MAF: variants seen among roughly 807,000 people sequenced by gnomAD.
The protein encoded by MAF is transcription factor Maf.
A neutral mutation model predicts 22.0 loss-of-function variants in MAF; 10 were observed. The observed-to-expected ratio is 0.45, with a 90% CI of 0.28 to 0.77. The LOEUF is 0.77. Among genes scored for constraint, MAF ranks in the 30% least tolerant of loss-of-function variants. The pLI is 0.12. For synonymous variants in MAF, 337 were observed against 255.8 expected (o/e 1.32, Z -3.03); for missense variants, 544 against 548.4 (o/e 0.99, Z 0.08).
At chr16:79,206,800 A>C in the MAF span, 1 of 152,130 alleles carries the variant, frequency 6.6e-6, no homozygotes, top group Non-Finnish European at 1.5e-5. Flanking sequence ...TGGTGTGGTC[A>C]CCTAGCCAGG....
chr16:79,269,008 G>A, the MAF span, among the ~76,000 whole-genome samples: 3 of 152,202 alleles, frequency 2.0e-5, no homozygotes, highest in African/African-American at 7.2e-5. Context: ...CTCATAGTAG[G>A]TGTTTTGATA....
the MAF span, chr16:79,202,626 G>A: frequency 8.5e-5 from 13 of 152,288 alleles, no homozygotes; most frequent in Non-Finnish European, 1.9e-4. Context: ...CAACAGTCTA[G>A]GAAGAAATCT....
the MAF span, among the ~76,000 whole-genome samples, chr16:79,430,697 AG>A: frequency 6.6e-6 from 1 of 152,168 alleles, no homozygotes; most frequent in Admixed American, 6.5e-5. Context: ...GTGCCCGGCT[AG>A]GCCTGCAGCT....
chr16:79,240,983 G>A, the MAF span, among the ~76,000 whole-genome samples: 1 of 151,980 alleles, frequency 6.6e-6, no homozygotes, highest in Non-Finnish European at 1.5e-5. Flanking sequence ...CAAACAGAAA[G>A]GAATTGCATC....
chr16:79,213,561 T>C, the MAF span, among the ~76,000 whole-genome samples: 2 of 152,032 alleles, frequency 1.3e-5, no homozygotes, highest in African/African-American at 4.8e-5. Context: ...GGAAAGTGCT[T>C]TGCACTGGGG....
At chr16:79,272,193 T>C in the MAF span, among the ~76,000 whole-genome samples, 1 of 152,214 alleles carries the variant, frequency 6.6e-6, no homozygotes, top group African/African-American at 2.4e-5. Flanking sequence ...CTGGTTCCTC[T>C]GAACGCGCTC....
the MAF span, among the ~76,000 whole-genome samples, chr16:79,515,556 A>T: frequency 0.84 from 127,288 of 152,184 alleles, 53,513 homozygotes; most frequent in East Asian, 0.92. Flanking sequence ...CTAGGATGCT[A>T]GGTAGGTTAG....
chr16:79,225,075 G>T, the MAF span, among the ~76,000 whole-genome samples: 8 of 152,174 alleles, frequency 5.3e-5, no homozygotes, highest in South Asian at 6.2e-4. Context: ...AGCAAAAAGA[G>T]CAAAGCTGGA....
the MAF span, among the ~76,000 whole-genome samples, chr16:79,466,127 C>T: frequency 6.6e-6 from 1 of 152,166 alleles, no homozygotes; most frequent in Non-Finnish European, 1.5e-5. Flanking sequence ...CAAGTCCAGC[C>T]TTACTACCTG....
chr16:79,368,886 T>C, the MAF span, among the ~76,000 whole-genome samples: 2 of 152,236 alleles, frequency 1.3e-5, no homozygotes, highest in Admixed American at 1.3e-4. Flanking sequence ...TCTGACTTTC[T>C]GTCTCTTTCT....
the MAF span, among the ~76,000 whole-genome samples, chr16:79,220,023 A>AGGTG: frequency 6.6e-6 from 1 of 152,132 alleles, no homozygotes; most frequent in Non-Finnish European, 1.5e-5. Flanking sequence ...TGGGATGCCA[A>AGGTG]GGTGGGCAGA....
the MAF span, among the ~76,000 whole-genome samples, chr16:79,240,515 A>G: frequency 9.4e-6 from 1 of 106,440 alleles, no homozygotes; most frequent in African/African-American, 5.9e-5. Context: ...AAAAAAAAAA[A>G]AAAAAAAAAA....
intron 1 of MAF, chr16:79,598,091 A>G (rs1802313): frequency 9.6e-7 from 1 of 1,043,632 alleles, no homozygotes; most frequent in Non-Finnish European, 1.2e-6. Context: ...GCAAGTCTAT[A>G]ACATTTCACA....
chr16:79,555,073 G>A, the MAF span, among the ~76,000 whole-genome samples: 1 of 152,166 alleles, frequency 6.6e-6, no homozygotes. Context: ...CTTCCTCCCT[G>A]CTCCTCCCTC....
the MAF span, among the ~76,000 whole-genome samples, chr16:79,277,565 A>C: frequency 6.6e-6 from 1 of 152,196 alleles, no homozygotes; most frequent in African/African-American, 2.4e-5. Flanking sequence ...TGAGATTAGT[A>C]CTATTAGTAC....
chr16:79,323,468 T>G, the MAF span, among the ~76,000 whole-genome samples: 1 of 151,956 alleles, frequency 6.6e-6, no homozygotes, highest in East Asian at 1.9e-4. Flanking sequence ...TACAGACAAA[T>G]TAAAAAGATT....
chr16:79,291,138 G>A, the MAF span, among the ~76,000 whole-genome samples: 1 of 152,158 alleles, frequency 6.6e-6, no homozygotes, highest in East Asian at 1.9e-4. Context: ...GGAAGCCCCT[G>A]CATTTAGGAA....
At chr16:79,585,604 A>T (rs1025704969), downstream of MAF, among the ~76,000 whole-genome samples, 3 of 152,226 alleles carry the variant, frequency 2.0e-5, no homozygotes, top group Non-Finnish European at 4.4e-5. Context: ...GTAACTTGAC[A>T]TAACACATGG....
chr16:79,428,369 C>T, the MAF span, among the ~76,000 whole-genome samples: 12 of 152,244 alleles, frequency 7.9e-5, no homozygotes, highest in East Asian at 1.2e-3. Flanking sequence ...TCTGCAGCCA[C>T]CTCTAGCTGA....
Sources: gnomAD v4.1 joint callset for allele counts (sites outside exome capture counted in the v4.1 genomes callset) on GRCh38, gnomAD v4.1.1 for gene constraint, MANE v1.5 for transcripts, NCBI Gene and HGNC (gene_info 2026-07-23, HGNC 2026-07-21) for gene names.